MGAT4C: variants seen among roughly 807,000 people sequenced by gnomAD.
The protein encoded by MGAT4C is MGAT4 family member C, also known as alpha-1,3-mannosyl-glycoprotein 4-beta-N-acetylglucosaminyltransferase C.
A neutral mutation model predicts 40.1 loss-of-function variants in MGAT4C; 19 were observed. That is an observed-to-expected ratio of 0.47 (90% CI 0.33 to 0.70). The LOEUF is 0.70. Ranked by LOEUF, MGAT4C falls within the 30% of genes least tolerant of loss-of-function variation. MGAT4C has a pLI of 0.02. For missense variants in MGAT4C, 491 were observed against 563.2 expected, an observed-to-expected ratio of 0.87 and a Z score of 1.30; for synonymous variants, 181 against 187.1, an observed-to-expected ratio of 0.97 and a Z score of 0.27.
Position 85,969,837 on chromosome 12 carries a change from A to T in MGAT4C, c.*9452T>A, listed in dbSNP as rs1883535073. On this transcript the variant is annotated 3_prime_UTR_variant, in exon 5 of 5. Transcript: ENST00000611864. ...AAGTTAGTAAAACCCTATTTTTCATATGCTCTTTAGCTTTTTTAATACCTC... is the reference window on the plus strand; with the variant it reads ...AAGTTAGTAAAACCCTATTTTTCATTTGCTCTTTAGCTTTTTTAATACCTC... 6.6e-6 allele frequency: 1 copy of T among 151,370 alleles called. No homozygotes were observed. The highest frequency in any genetic ancestry group is 1.5e-5 in the Non-Finnish European group (1 of 67,476). The allele number at this position is 151,370 out of a possible 1,614,324, so 9.4% of individuals were successfully genotyped here.
chr12:86,779,797 C>T (rs375855844), intron 1 of MGAT4C, among the ~76,000 whole-genome samples: 3 of 151,940 alleles, frequency 2.0e-5, no homozygotes, highest in African/African-American at 7.2e-5. Flanking sequence ...CCTGTAGTCC[C>T]AGCTACTCAG....
At chr12:86,304,591 T>C (rs1365910359) in intron 4 of MGAT4C, among the ~76,000 whole-genome samples, 1 of 150,784 alleles carries the variant, frequency 6.6e-6, no homozygotes, top group Non-Finnish European at 1.5e-5. Context: ...TCATGCATCC[T>C]ATTCTATGAG....
intron 2 of MGAT4C, among the ~76,000 whole-genome samples, chr12:86,442,546 T>C (rs1429270870): frequency 6.6e-6 from 1 of 152,108 alleles, no homozygotes; most frequent in Non-Finnish European, 1.5e-5. Context: ...GGGATCCAGT[T>C]TCAGCTTTCT....
chr12:86,356,623 T>C (rs911286750), intron 3 of MGAT4C, among the ~76,000 whole-genome samples: 6 of 152,116 alleles, frequency 3.9e-5, no homozygotes, highest in Non-Finnish European at 8.8e-5. Context: ...CTCCCCACCC[T>C]AATACTGGGC....
intron 2 of MGAT4C, among the ~76,000 whole-genome samples, chr12:86,639,152 C>A (rs890289234): frequency 2.6e-5 from 4 of 151,640 alleles, no homozygotes; most frequent in Admixed American, 2.0e-4. Flanking sequence ...ATGTCATTTA[C>A]CAAAATTATT....
intron 2 of MGAT4C, among the ~76,000 whole-genome samples, chr12:86,673,786 A>G (rs1435526942): frequency 6.6e-6 from 1 of 152,152 alleles, no homozygotes; most frequent in African/African-American, 2.4e-5. Context: ...TACACTAAAT[A>G]GATACTTAAA....
intron 3 of MGAT4C, among the ~76,000 whole-genome samples, chr12:86,362,561 A>G (rs1205227097): frequency 2.0e-5 from 3 of 152,190 alleles, no homozygotes; most frequent in Non-Finnish European, 2.9e-5. Flanking sequence ...AAAAAGATCC[A>G]GTCATATATT....
intron 1 of MGAT4C, among the ~76,000 whole-genome samples, chr12:86,795,230 G>A (rs1952094421): frequency 6.6e-6 from 1 of 151,758 alleles, no homozygotes; most frequent in Non-Finnish European, 1.5e-5. Context: ...TCTGGTTCTT[G>A]TGTAATAATA....
chr12:86,196,396 G>T (rs905203483), intron 1 of MGAT4C, among the ~76,000 whole-genome samples: 7 of 152,228 alleles, frequency 4.6e-5, no homozygotes, highest in Non-Finnish European at 2.9e-5. Flanking sequence ...CATCCCTGTG[G>T]CCTGGGCAGC....
intron 1 of MGAT4C, among the ~76,000 whole-genome samples, chr12:86,831,803 T>C (rs1450054620): frequency 1.3e-5 from 2 of 151,862 alleles, no homozygotes; most frequent in East Asian, 3.9e-4. Flanking sequence ...ACTTGCATGA[T>C]AGATATTATA....
In MGAT4C at chr12:86,612,507, T is replaced by C. The variant is rs140617535; in HGVS notation, c.-229+114702A>G. ...GCTCAAGCCTGTAATCCCAGCACTT[T>C]GGGAGGCCAAGGCAAGCAGATCATC... On this transcript the variant is annotated intron_variant, in intron 2 of 7. Coordinates refer to the MGAT4C transcript ENST00000548651. Among the ~76,000 whole-genome samples, 48 of 152,174 alleles carry C rather than the reference T, an allele frequency of 3.2e-4. 1 individual carries two copies. Among genetic ancestry groups the C allele is most frequent in the African/African-American group, 8.2e-4 (34 of 41,540 alleles).
At chr12:86,335,743 T>TAC (rs1246208890) in intron 3 of MGAT4C, among the ~76,000 whole-genome samples, 1 of 152,206 alleles carries the variant, frequency 6.6e-6, no homozygotes, top group Non-Finnish European at 1.5e-5. Flanking sequence ...AGAATTTCTA[T>TAC]ACATCTCTGG....
At position 86,427,747 on chromosome 12, in the gene MGAT4C, G is replaced by A. The variant is rs563224884; in HGVS notation, c.-120+7410C>T. ...ATTTAAAAGCTAATATAGGCTGGAC[G>A]CGGTGGCTCATGCCTGTTATCCCAG... is the stretch of plus-strand genomic sequence containing the variant. On this transcript the variant is annotated intron_variant, in intron 3 of 7. Coordinates refer to the MGAT4C transcript ENST00000548651. Among the ~76,000 whole-genome samples, 6 of 152,268 alleles carry A rather than the reference G, an allele frequency of 3.9e-5. No individual in the cohort carries two copies. In the South Asian group the frequency reaches 6.2e-4, roughly 16 times the overall value.
At chr12:86,672,827 C>T (rs567654127) in intron 2 of MGAT4C, among the ~76,000 whole-genome samples, 2 of 152,158 alleles carry the variant, frequency 1.3e-5, no homozygotes, top group African/African-American at 4.8e-5. Context: ...GTAATGGAGT[C>T]ATTTTTACCG....
chr12:86,371,497 A>T (rs1314323133), intron 3 of MGAT4C, among the ~76,000 whole-genome samples: 1 of 152,020 alleles, frequency 6.6e-6, no homozygotes, highest in African/African-American at 2.4e-5. Context: ...CAAAACCCTA[A>T]GCCAGTGGTA....
intron 2 of MGAT4C, among the ~76,000 whole-genome samples, chr12:86,489,100 T>C (rs1353251385): frequency 6.6e-6 from 1 of 152,124 alleles, no homozygotes. Context: ...TGTGCCTATC[T>C]TGTGCCTATA....
intron 4 of MGAT4C, among the ~76,000 whole-genome samples, chr12:85,982,121 A>G (rs926612667): frequency 3.3e-5 from 5 of 152,192 alleles, no homozygotes; most frequent in African/African-American, 9.6e-5. Flanking sequence ...TGGTCTTCAC[A>G]TAATTTATTA....
At chr12:86,174,339 A>G (rs1887173968) in intron 1 of MGAT4C, among the ~76,000 whole-genome samples, 1 of 152,082 alleles carries the variant, frequency 6.6e-6, no homozygotes, top group African/African-American at 2.4e-5. Context: ...ATTTGTATAC[A>G]AACTCCAGTT....
At chr12:86,824,469 T>C (rs747718645) in intron 1 of MGAT4C, among the ~76,000 whole-genome samples, 9 of 151,304 alleles carry the variant, frequency 5.9e-5, no homozygotes, top group African/African-American at 2.4e-5. Context: ...CTACAGTACA[T>C]GATAGTTAAG....
Sources: gnomAD v4.1 joint callset for allele counts (sites outside exome capture counted in the v4.1 genomes callset) on GRCh38, gnomAD v4.1.1 for gene constraint, MANE v1.5 for transcripts, NCBI Gene and HGNC (gene_info 2026-07-23, HGNC 2026-07-21) for gene names.